Variants in QRFPR observed in about 807,000 individuals in gnomAD.
QRFPR encodes pyroglutamylated RFamide peptide receptor.
In QRFPR, 37 loss-of-function variants were observed where a neutral mutation model predicts 31.3. The ratio of observed to expected loss-of-function variants is 1.18; its 90% CI spans 0.91 to 1.56. The LOEUF (loss-of-function observed/expected upper bound fraction) is 1.56. Among genes scored for constraint, QRFPR ranks in the 40% most tolerant of loss-of-function variants. QRFPR has a pLI of 0.00. For missense variants in QRFPR, 542 were observed against 532.5 expected, an observed-to-expected ratio of 1.02 and a Z score of -0.18; for synonymous variants, 197 against 192.0, an observed-to-expected ratio of 1.03 and a Z score of -0.22.
At chr4:121,367,254 G>A (rs186532324) in intron 1 of QRFPR, among the ~76,000 whole-genome samples, 1 of 149,992 alleles carries the variant, frequency 6.7e-6, no homozygotes, top group African/African-American at 2.5e-5. Flanking sequence ...CCCACAGTCT[G>A]GGTGGCCTGG....
intron 3 of QRFPR, among the ~76,000 whole-genome samples, chr4:121,333,501 T>C (rs181901586): frequency 6.6e-6 from 1 of 152,360 alleles, no homozygotes; most frequent in East Asian, 1.9e-4. Context: ...ATCTTTCAAT[T>C]GAAAAGTACT....
intron 4 of QRFPR, among the ~76,000 whole-genome samples, 193 bp downstream of exon 4, chr4:121,332,628 A>C (rs1306516227): frequency 2.0e-5 from 3 of 152,182 alleles, no homozygotes; most frequent in Non-Finnish European, 4.4e-5. Context: ...TTGATTTGCG[A>C]GCTGGTAGTC....
At chr4:121,341,675 T>C (rs1477151119) in intron 1 of QRFPR, among the ~76,000 whole-genome samples, 1 of 152,184 alleles carries the variant, frequency 6.6e-6, no homozygotes, top group Non-Finnish European at 1.5e-5. Context: ...GTGTAAGGTA[T>C]ATAAGAAGCA....
intron 1 of QRFPR, among the ~76,000 whole-genome samples, chr4:121,365,597 TA>T (rs1288338795): frequency 0.046 from 1,013 of 22,036 alleles, 467 homozygotes; most frequent in East Asian, 0.28. Flanking sequence ...ATATTATATA[TA>T]TATAATATAT....
chr4:121,340,319 C>T lies in QRFPR; in HGVS notation c.499+133G>A, dbSNP rs769261157. 4.1e-5 allele frequency: 40 copies of T among 976,596 alleles called. No homozygotes were observed. In the Admixed American group the frequency reaches 8.3e-4, roughly 20 times the overall value. 60.5% of individuals were successfully genotyped at this position (976,596 alleles called of 1,614,324 possible). ...GAGATGAAGGCAAACAGGGAAAGCA[C>T]TGAAACTCTCAAATTATATTCCAAT... On this transcript the variant is annotated intron_variant, in intron 2 of 5. Transcript: ENST00000394427.
chr4:121,375,840 T>C (rs1465167507), intron 1 of QRFPR, among the ~76,000 whole-genome samples: 2 of 152,110 alleles, frequency 1.3e-5, no homozygotes, highest in African/African-American at 2.4e-5. Context: ...AAAAGACTAG[T>C]TCATGGAAAC....
At chr4:121,331,386 G>T (rs1725322764) in intron 4 of QRFPR, among the ~76,000 whole-genome samples, 2 of 150,720 alleles carry the variant, frequency 1.3e-5, no homozygotes, top group African/African-American at 4.9e-5. Flanking sequence ...GTCTCACTTT[G>T]TTGCCCAGGC....
In QRFPR at chr4:121,365,550, A is replaced by ATT. The variant is rs1560743676; in HGVS notation, c.340+14757_340+14758insAA. On this transcript the variant is annotated intron_variant, in intron 1 of 5. Coordinates refer to ENST00000394427, the MANE Select transcript of QRFPR (RefSeq NM_198179.3). ...ATTATATATAATATATATTATATATAATATATAATATATATTATATATAAT... is the reference window on the plus strand; with the variant it reads ...ATTATATATAATATATATTATATATATTATATATAATATATATTATATATAAT... Among the ~76,000 whole-genome samples the ATT allele has an allele frequency of 5.2e-3, 41 of 7,908 alleles. 2 individuals carry two copies. Among genetic ancestry groups the ATT allele is most frequent in the African/African-American group, 0.022 (31 of 1,378 alleles). 5.2% of individuals were successfully genotyped at this position (7,908 alleles called of 152,430 possible).
chr4:121,380,372 C>A lies in QRFPR; in HGVS notation c.276G>T (p.Leu92=). Residue 92 remains leucine (L), a synonymous_variant, in exon 1 of 6, where the codon CTG becomes CTT. Coordinates refer to ENST00000394427, the MANE Select transcript of QRFPR (RefSeq NM_198179.3). ...CGGGAATGCAGAAGAAGGTGATGAG[C>A]AGGTCACTGAGCGCCAAGGAGCAGA... The part of the protein sequence containing the change: ...IFICSLALSD[L]LITFFCIPVT... 2 of 1,614,148 alleles carry A rather than the reference C, an allele frequency of 1.2e-6. No individual in the cohort carries two copies. The highest frequency in any genetic ancestry group is 2.2e-5 in the South Asian group (2 of 91,086).
intron 2 of QRFPR, among the ~76,000 whole-genome samples, chr4:121,339,763 G>A (rs998913802): frequency 2.6e-5 from 4 of 152,194 alleles, no homozygotes; most frequent in Admixed American, 6.6e-5. Context: ...AGACCAGCCT[G>A]AGAAACATAG....
chr4:121,371,331 A>C (rs546295410), intron 1 of QRFPR, among the ~76,000 whole-genome samples: 1 of 152,352 alleles, frequency 6.6e-6, no homozygotes, highest in South Asian at 2.1e-4. Context: ...TTAAGGCATA[A>C]AATGAAACAA....
At chr4:121,346,231 A>G (rs914432873) in intron 1 of QRFPR, among the ~76,000 whole-genome samples, 1 of 152,220 alleles carries the variant, frequency 6.6e-6, no homozygotes, top group Non-Finnish European at 1.5e-5. Flanking sequence ...AACAAATCAT[A>G]TTCAAACAGT....
chr4:121,353,213 TTTCTTTTGGATG>T (rs1374263644), intron 1 of QRFPR, among the ~76,000 whole-genome samples: 1 of 152,136 alleles, frequency 6.6e-6, no homozygotes, highest in East Asian at 1.9e-4. Context: ...ATTGATTTCC[TTTCTTTTGGATG>T]TATACTCAGC....
chr4:121,354,435 T>C (rs937076627), intron 1 of QRFPR, among the ~76,000 whole-genome samples: 21 of 152,000 alleles, frequency 1.4e-4, no homozygotes, highest in African/African-American at 5.1e-4. Flanking sequence ...ACTTCTTTGG[T>C]TCTGATAGTT....
At chr4:121,350,127 A>G (rs13132035) in intron 1 of QRFPR, among the ~76,000 whole-genome samples, 23,773 of 152,084 alleles carry the variant, frequency 0.16, 2,755 homozygotes, top group East Asian at 0.54. Flanking sequence ...ACAGGCAGAG[A>G]TTCTTTGTCA....
intron 1 of QRFPR, among the ~76,000 whole-genome samples, chr4:121,343,898 A>T (rs1383717096): frequency 6.6e-6 from 1 of 152,216 alleles, no homozygotes; most frequent in Non-Finnish European, 1.5e-5. Flanking sequence ...CATTGATATC[A>T]GTATACACTC....
intron 1 of QRFPR, among the ~76,000 whole-genome samples, chr4:121,341,404 A>G (rs901674858): frequency 1.3e-5 from 2 of 152,196 alleles, no homozygotes; most frequent in African/African-American, 4.8e-5. Flanking sequence ...ATCAGAGGTT[A>G]TCTAGTTCTA....
chr4:121,353,955 T>C lies in QRFPR; in HGVS notation c.341-13345A>G, dbSNP rs573915557. Among the ~76,000 whole-genome samples, 14 of 152,218 alleles carry C rather than the reference T, an allele frequency of 9.2e-5. 1 individual carries two copies. Among genetic ancestry groups the C allele is most frequent in the African/African-American group, 3.4e-4 (14 of 41,564 alleles). ...ATAACCAGTTTTCCAGCATCACTTA[T>C]TGAAGAGACTGTCCTTTCCCTAGTA... On this transcript the variant is annotated intron_variant, in intron 1 of 5. Transcript: ENST00000394427.
At chr4:121,376,957 G>T (rs544866583) in intron 1 of QRFPR, among the ~76,000 whole-genome samples, 3 of 152,216 alleles carry the variant, frequency 2.0e-5, no homozygotes, top group South Asian at 2.1e-4. Context: ...AGGTGCTGCT[G>T]GTCCCCAGCA....
Sources: allele counts gnomAD v4.1 joint callset (sites outside exome capture counted in the v4.1 genomes callset), GRCh38; gene constraint gnomAD v4.1.1; transcripts MANE v1.5; gene names NCBI Gene and HGNC (gene_info 2026-07-23, HGNC 2026-07-21).